The following ALKBH5 variants were observed in gnomAD, a reference collection of about 807,000 sequenced individuals.
ALKBH5 encodes RNA demethylase ALKBH5.
Under a neutral mutation model 32.1 loss-of-function variants are expected in ALKBH5, and 2 were observed. The observed-to-expected ratio is 0.06, with a 90% CI of 0.03 to 0.20. ALKBH5 has a LOEUF of 0.20. Ranked by LOEUF, ALKBH5 falls within the 10% of genes least tolerant of loss-of-function variation. ALKBH5 has a pLI of 1.00. For synonymous variants in ALKBH5, 300 were observed against 231.7 expected, an observed-to-expected ratio of 1.29 and a Z score of -2.68; for missense variants, 352 against 559.5, an observed-to-expected ratio of 0.63 and a Z score of 3.74.
At chr17:18,205,008 C>T (rs984160308) in intron 2 of ALKBH5, among the ~76,000 whole-genome samples, 1 of 152,064 alleles carries the variant, frequency 6.6e-6, no homozygotes, top group Non-Finnish European at 1.5e-5. Context: ...TATGATCATA[C>T]CACTGCCCTC....
At chr17:18,187,825 C>T (rs965597829) in intron 1 of ALKBH5, among the ~76,000 whole-genome samples, 1 of 152,160 alleles carries the variant, frequency 6.6e-6, no homozygotes, top group Non-Finnish European at 1.5e-5. Context: ...CTGGTGAAAA[C>T]AGTGGTGCGG....
At chr17:18,195,434 G>A (rs1055114667) in intron 2 of ALKBH5, among the ~76,000 whole-genome samples, 2 of 152,176 alleles carry the variant, frequency 1.3e-5, no homozygotes, top group African/African-American at 2.4e-5. Context: ...AAAAATGCCT[G>A]GGTTTTCACT....
intron 1 of ALKBH5, among the ~76,000 whole-genome samples, chr17:18,187,015 G>T (rs1401700763): frequency 1.3e-5 from 2 of 152,112 alleles, no homozygotes; most frequent in Non-Finnish European, 2.9e-5. Context: ...ACCACTCAGT[G>T]ATCCCCTGCT....
At position 18,184,945 on chromosome 17, in the gene ALKBH5, C is replaced by T; in HGVS notation, c.702C>T (p.Phe234=). Residue 234 remains phenylalanine, a synonymous_variant, in exon 1 of 4, where the codon TTC becomes TTT. Coordinates refer to ENST00000399138, the MANE Select transcript of ALKBH5 (RefSeq NM_017758.4). ...TGTGCTTCGGCTGCAAGTTCCAGTT[C>T]AAGCCTATTCGGGTGTCGGAACCAG... ...SALCFGCKFQ[F]KPIRVSEPVL... 3 of 1,613,968 alleles carry T rather than the reference C, an allele frequency of 1.9e-6. No homozygotes were observed. The highest frequency in any genetic ancestry group is 2.5e-6 in the Non-Finnish European group (3 of 1,180,038).
At position 18,209,951 on chromosome 17, in the gene ALKBH5, G is replaced by A. The variant is rs551199517; in HGVS notation, c.*1555G>A. On this transcript the variant is annotated 3_prime_UTR_variant, in exon 4 of 4. Coordinates refer to ENST00000399138, the MANE Select transcript of ALKBH5 (RefSeq NM_017758.4). The stretch of plus-strand genomic sequence containing the variant: ...ATAAAAACCAAATCTAATATATTTT[G>A]AAACAGTTGTCTGATGTTGTTGTAA... 1.3e-5 allele frequency: 2 copies of A among 152,734 alleles called. No homozygotes were observed. Among genetic ancestry groups the A allele is most frequent in the South Asian group, 2.1e-4 (1 of 4,824 alleles). The allele number at this position is 152,734 out of a possible 1,614,324, so 9.5% of individuals were successfully genotyped here.
At chr17:18,203,339 A>G (rs1478542588) in intron 2 of ALKBH5, among the ~76,000 whole-genome samples, 1 of 152,198 alleles carries the variant, frequency 6.6e-6, no homozygotes, top group Admixed American at 6.5e-5. Flanking sequence ...AATTCACCCC[A>G]GCAGCTTCTC....
intron 1 of ALKBH5, among the ~76,000 whole-genome samples, chr17:18,193,703 TTGGCCAGCC>T (rs1381914684): frequency 6.6e-6 from 1 of 152,242 alleles, no homozygotes; most frequent in African/African-American, 2.4e-5. Flanking sequence ...GAGCTGAGGT[TTGGCCAGCC>T]TGGCCATCTT....
At position 18,186,412 on chromosome 17, in the gene ALKBH5, G is replaced by A. The variant is rs79168184; in HGVS notation, c.770+1399G>A. ...CAGGTTGGGGTCTGACCCCATTGAC[G>A]GGTTCTCAGTGCAAAAATTACCTCA... On this transcript the variant is annotated intron_variant, in intron 1 of 3. Coordinates refer to ENST00000399138, the MANE Select transcript of ALKBH5 (RefSeq NM_017758.4). 2.4e-4 allele frequency among the ~76,000 whole-genome samples: 36 copies of A among 152,214 alleles called. 2 individuals are homozygous for A. In the South Asian group the frequency reaches 7.3e-3, roughly 31 times the overall value.
At chr17:18,185,091 G>T (rs906680822) in intron 1 of ALKBH5, 78 bp downstream of exon 1, 1 of 1,532,542 alleles carries the variant, frequency 6.5e-7, no homozygotes, top group Non-Finnish European at 8.7e-7. Context: ...GCAGCAGCCC[G>T]TAGGAGTCTG....
chr17:18,189,416 C>T (rs953967314), intron 1 of ALKBH5, among the ~76,000 whole-genome samples: 2 of 152,142 alleles, frequency 1.3e-5, no homozygotes, highest in Non-Finnish European at 2.9e-5. Context: ...AAATTCAGAG[C>T]TGGCTGGCCA....
rs1567678397 is a variant in ALKBH5 at position 18,209,074 on chromosome 17, G to C, written c.*678G>C. The C allele has an allele frequency of 6.3e-6, 1 of 159,436 alleles. No individual in the cohort carries two copies. Among genetic ancestry groups the C allele is most frequent in the Non-Finnish European group, 1.4e-5 (1 of 71,982 alleles). 9.9% of individuals were successfully genotyped at this position (159,436 alleles called of 1,614,324 possible). The stretch of plus-strand genomic sequence containing the variant: ...TAGCCTGCCATGTCCACAGTTCCTT[G>C]GGCTGCTGAGGGGCTAGTGCAGTGG... On this transcript the variant is annotated 3_prime_UTR_variant, in exon 4 of 4. Transcript: ENST00000399138.
Position 18,185,051 on chromosome 17 carries a change from C to T in ALKBH5, c.770+38C>T, listed in dbSNP as rs186990322. The T allele has an allele frequency of 4.5e-4, 713 of 1,579,830 alleles. 1 individual carries two copies. Among genetic ancestry groups the T allele is most frequent in the Middle Eastern group, 1.3e-3 (8 of 5,966 alleles). On this transcript the variant is annotated intron_variant, in intron 1 of 3. Transcript: ENST00000399138. ...GGTGGAGGGGGCGGCCCTGCGCCTGCTGCCTTAGCTACCCACCCTGGCCCA... is the reference window on the plus strand; with the variant it reads ...GGTGGAGGGGGCGGCCCTGCGCCTGTTGCCTTAGCTACCCACCCTGGCCCA...
intron 1 of ALKBH5, among the ~76,000 whole-genome samples, chr17:18,193,270 G>A (rs979262412): frequency 2.6e-5 from 4 of 151,068 alleles, no homozygotes; most frequent in South Asian, 2.1e-4. Flanking sequence ...GGTTTGGGCC[G>A]GGCGCGGTGG....
chr17:18,191,899 A>G (rs2047177072), intron 1 of ALKBH5, among the ~76,000 whole-genome samples: 1 of 151,242 alleles, frequency 6.6e-6, no homozygotes, highest in Admixed American at 6.6e-5. Context: ...CAGTGAGCCA[A>G]GATCATGCCA....
chr17:18,205,619 T>C (rs193203159), intron 2 of ALKBH5, among the ~76,000 whole-genome samples: 1 of 152,348 alleles, frequency 6.6e-6, no homozygotes, highest in African/African-American at 2.4e-5. Context: ...ACTTGCAGGA[T>C]GCATGACTTA....
rs2047285202 is a variant in ALKBH5 at position 18,208,569 on chromosome 17, A to AT, written c.*175dup. On this transcript the variant is annotated 3_prime_UTR_variant, in exon 4 of 4. Coordinates refer to ENST00000399138, the MANE Select transcript of ALKBH5 (RefSeq NM_017758.4). Reference sequence around the variant, plus strand: ...TTGCCTGTTAGGGCTGAAGAATAGAATTGGCCAGGACCTAGGTTCTCATAT... The same window carrying AT: ...TTGCCTGTTAGGGCTGAAGAATAGAATTTGGCCAGGACCTAGGTTCTCATAT... The AT allele has an allele frequency of 3.8e-6, 3 of 790,220 alleles. No individual in the cohort carries two copies. The African/African-American group carries it at 5.2e-5, about 14-fold the overall frequency. 49.0% of individuals were successfully genotyped at this position (790,220 alleles called of 1,614,324 possible).
rs2142464252 is a variant in ALKBH5, at chr17:18,184,101, C to T, written c.-143C>T. On this transcript the variant is annotated 5_prime_UTR_variant, in exon 1 of 4. Coordinates refer to ENST00000399138, the MANE Select transcript of ALKBH5 (RefSeq NM_017758.4). ...TACCCCACGCCCGGACCCTCGACGC[C>T]CCCCGCCGGGTCCCCCACTCACGCA... The T allele has an allele frequency of 1.3e-6, 1 of 777,492 alleles. No individual in the cohort carries two copies. Among genetic ancestry groups the T allele is most frequent in the East Asian group, 3.0e-5 (1 of 33,610 alleles). The allele number at this position is 777,492 out of a possible 1,614,324, so 48.2% of individuals were successfully genotyped here.
chr17:18,205,454 A>G (rs1319557744), intron 2 of ALKBH5, among the ~76,000 whole-genome samples: 3 of 152,044 alleles, frequency 2.0e-5, no homozygotes, highest in Non-Finnish European at 2.9e-5. Context: ...CTGCCTACCC[A>G]CCAGTTTGGG....
chr17:18,184,978 C>G lies in ALKBH5; in HGVS notation c.735C>G (p.Ser245=), dbSNP rs140823983. 3 of 1,612,736 alleles carry G rather than the reference C, an allele frequency of 1.9e-6. No homozygotes were observed. The highest frequency in any genetic ancestry group is 1.1e-5 in the South Asian group (1 of 91,086). The change falls in exon 1 of 4, where the codon TCC becomes TCG. Residue 245 remains serine (S), a synonymous_variant. Transcript: ENST00000399138. Reference sequence around the variant, plus strand: ...TTCGGGTGTCGGAACCAGTGCTTTCCCTGCCGGTGCGCAGGGGAAGCGTGA... The same window carrying G: ...TTCGGGTGTCGGAACCAGTGCTTTCGCTGCCGGTGCGCAGGGGAAGCGTGA... ...KPIRVSEPVL[S]LPVRRGSVTV... is the part of the protein sequence containing the mutation.
Sources: gnomAD v4.1 joint callset for allele counts (sites outside exome capture counted in the v4.1 genomes callset) on GRCh38, gnomAD v4.1.1 for gene constraint, MANE v1.5 for transcripts, NCBI Gene and HGNC (gene_info 2026-07-23, HGNC 2026-07-21) for gene names.